The following RBFOX1 variants were observed in gnomAD, a reference collection of about 807,000 sequenced individuals.
The protein encoded by RBFOX1 is RNA binding protein fox-1 homolog 1.
RBFOX1 carries 8 observed loss-of-function variants against 57.7 expected under a neutral mutation model. That is an observed-to-expected ratio of 0.14 (90% confidence interval 0.08 to 0.25). The LOEUF is 0.25. Among genes scored for constraint, RBFOX1 ranks in the 10% least tolerant of loss-of-function variants. RBFOX1 has a pLI of 1.00. For missense variants in RBFOX1, 611 were observed against 548.5 expected (o/e 1.11, Z -1.14); for synonymous variants, 326 against 222.4 (o/e 1.47, Z -4.15).
chr16:6,539,103 G>C (rs550645941), intron 2 of RBFOX1, among the ~76,000 whole-genome samples: 4 of 149,536 alleles, frequency 2.7e-5, no homozygotes, highest in Non-Finnish European at 5.9e-5. Flanking sequence ...CTGGCAGAAA[G>C]AACAGTTGAT....
At chr16:6,323,081 C>T (rs918003820) in intron 2 of RBFOX1, among the ~76,000 whole-genome samples, 1 of 151,710 alleles carries the variant, frequency 6.6e-6, no homozygotes, top group African/African-American at 2.4e-5. Flanking sequence ...CTTTTTCGAT[C>T]GAATGAGTAC....
chr16:7,688,258 T>TGAGAGAGAGAGAGA (rs1468088533), intron 14 of RBFOX1, among the ~76,000 whole-genome samples: 6 of 128,392 alleles, frequency 4.7e-5, no homozygotes, highest in African/African-American at 1.8e-4. Flanking sequence ...TGTGTGTGTG[T>TGAGAGAGAGAGAGA]GTGAGAGAGA....
At chr16:5,523,616 AAAACAAACAAAC>A (rs79122543) in intron 2 of RBFOX1, among the ~76,000 whole-genome samples, 2 of 151,302 alleles carry the variant, frequency 1.3e-5, no homozygotes, top group African/African-American at 2.4e-5. Context: ...GACCCTGTCT[AAAACAAACAAAC>A]AAACAAACAA....
At chr16:6,704,523 AC>A (rs1377078327) in intron 3 of RBFOX1, 1 of 152,040 alleles carries the variant, frequency 6.6e-6, no homozygotes, top group Non-Finnish European at 1.5e-5. Context: ...GGTATTCTAC[AC>A]CCCCCTTGGG....
intron 2 of RBFOX1, among the ~76,000 whole-genome samples, chr16:5,518,184 ATTAAT>A (rs937811272): frequency 1.3e-5 from 2 of 152,210 alleles, no homozygotes; most frequent in East Asian, 1.9e-4. Context: ...AATTAGAAAC[ATTAAT>A]TTAATGTGAT....
rs1053095848 is a variant in RBFOX1, at chr16:7,403,569, C to A, written c.28-114578C>A. Among the ~76,000 whole-genome samples the A allele has an allele frequency of 7.5e-5, 11 of 146,668 alleles. 1 individual carries two copies. The highest frequency in any genetic ancestry group is 2.5e-4 in the African/African-American group (10 of 40,250). ...TTATTGCAAATGAGAGAATCCCCCCCCCCCCACTTTTTTTTTGCCCAGTCT... is the reference window on the plus strand; with the variant it reads ...TTATTGCAAATGAGAGAATCCCCCCACCCCCACTTTTTTTTTGCCCAGTCT... On this transcript the variant is annotated intron_variant, in intron 4 of 15. Transcript: ENST00000550418.
chr16:7,464,389 G>A lies in RBFOX1; in HGVS notation c.28-53758G>A, dbSNP rs77073455. On this transcript the variant is annotated intron_variant, in intron 4 of 15. Transcript: ENST00000550418. Reference sequence around the variant, plus strand: ...TATCGCAGAAGCTGGTAAAACAGTCGCATCCAAGATCAAACAAGACATCGG... The same window carrying A: ...TATCGCAGAAGCTGGTAAAACAGTCACATCCAAGATCAAACAAGACATCGG... Among the ~76,000 whole-genome samples, 422 of 152,034 alleles carry A rather than the reference G, an allele frequency of 2.8e-3. 2 individuals are homozygous for A. The highest frequency in any genetic ancestry group is 0.012 in the East Asian group (64 of 5,184).
chr16:6,206,699 T>C (rs2097257537), intron 1 of RBFOX1, among the ~76,000 whole-genome samples: 1 of 152,204 alleles, frequency 6.6e-6, no homozygotes, highest in African/African-American at 2.4e-5. Context: ...TCCCATATAC[T>C]CATCACCCAG....
At chr16:5,560,289 C>A (rs905032420) in intron 2 of RBFOX1, among the ~76,000 whole-genome samples, 1 of 152,086 alleles carries the variant, frequency 6.6e-6, no homozygotes, top group Non-Finnish European at 1.5e-5. Context: ...TTAGTCACCT[C>A]CTCCAGGAAG....
chr16:7,249,671 T>G lies in RBFOX1; in HGVS notation c.27+197573T>G, dbSNP rs913924457. ...AAAATCATTGAATGGGTACCAGATT[T>G]ATTTTTATGTATTTTTTATTTTTGG... On this transcript the variant is annotated intron_variant, in intron 4 of 15. Coordinates refer to ENST00000550418, the MANE Select transcript of RBFOX1 (RefSeq NM_018723.4). Among the ~76,000 whole-genome samples the G allele has an allele frequency of 4.1e-4, 63 of 152,114 alleles. 1 individual carries two copies. Among genetic ancestry groups the G allele is most frequent in the Admixed American group, 4.1e-3 (62 of 15,274 alleles).
At chr16:6,632,702 G>C (rs1024039973) in intron 2 of RBFOX1, among the ~76,000 whole-genome samples, 1 of 152,216 alleles carries the variant, frequency 6.6e-6, no homozygotes, top group African/African-American at 2.4e-5. Context: ...TGAAGTGCTT[G>C]CCAGGCCTAA....
intron 15 of RBFOX1, among the ~76,000 whole-genome samples, 163 bp downstream of exon 15, chr16:7,709,294 A>G (rs2083487820): frequency 6.6e-6 from 1 of 152,180 alleles, no homozygotes; most frequent in South Asian, 2.1e-4. Flanking sequence ...AGTAAACTTG[A>G]TAAATGTCTT....
At chr16:6,343,808 T>C (rs2084925138) in intron 2 of RBFOX1, among the ~76,000 whole-genome samples, 1 of 152,198 alleles carries the variant, frequency 6.6e-6, no homozygotes, top group African/African-American at 2.4e-5. Flanking sequence ...GTGTTTTCCA[T>C]GCATAATATT....
intron 3 of RBFOX1, among the ~76,000 whole-genome samples, chr16:5,813,539 C>G (rs915228134): frequency 5.2e-4 from 79 of 152,214 alleles, no homozygotes; most frequent in African/African-American, 1.7e-3. Flanking sequence ...ACCATGCTCA[C>G]TGCAAGAAGC....
chr16:5,510,367 T>C (rs2043540298), intron 2 of RBFOX1, among the ~76,000 whole-genome samples: 1 of 152,200 alleles, frequency 6.6e-6, no homozygotes, highest in Non-Finnish European at 1.5e-5. Flanking sequence ...GTGTCTCTGC[T>C]TCTTGTGTCT....
intron 5 of RBFOX1, among the ~76,000 whole-genome samples, chr16:7,574,385 C>T (rs554806070): frequency 2.7e-4 from 41 of 152,168 alleles, no homozygotes; most frequent in Non-Finnish European, 4.7e-4. Flanking sequence ...CACACGATCA[C>T]AAGGTGAAGT....
intron 2 of RBFOX1, among the ~76,000 whole-genome samples, chr16:6,403,944 G>A (rs926213834): frequency 6.6e-6 from 1 of 152,112 alleles, no homozygotes; most frequent in African/African-American, 2.4e-5. Flanking sequence ...GAAGGTGGCT[G>A]TCTGTAAGCC....
intron 4 of RBFOX1, among the ~76,000 whole-genome samples, chr16:5,884,615 C>G (rs1014889450): frequency 6.6e-6 from 1 of 152,070 alleles, no homozygotes; most frequent in Non-Finnish European, 1.5e-5. Flanking sequence ...ATAAGCCTTT[C>G]CCGTGGATTG....
At position 6,865,470 on chromosome 16, in the gene RBFOX1, C is replaced by T. The variant is rs929550845; in HGVS notation, c.-15-186587C>T. Among the ~76,000 whole-genome samples, 5 of 151,948 alleles carry T rather than the reference C, an allele frequency of 3.3e-5. No homozygotes were observed. In the East Asian group the frequency reaches 9.6e-4, roughly 29 times the overall value. Reference sequence around the variant, plus strand: ...ATATTTCCTTTCTAGCCCCACACACCCAGGCACCTTCTTGTTTTTTAACAT... The same window carrying T: ...ATATTTCCTTTCTAGCCCCACACACTCAGGCACCTTCTTGTTTTTTAACAT... On this transcript the variant is annotated intron_variant, in intron 3 of 15. Transcript: ENST00000550418.
Sources: gnomAD v4.1 joint callset for allele counts (sites outside exome capture counted in the v4.1 genomes callset) on GRCh38, gnomAD v4.1.1 for gene constraint, MANE v1.5 for transcripts, NCBI Gene and HGNC (gene_info 2026-07-23, HGNC 2026-07-21) for gene names.